VPS13B: variants seen among roughly 807,000 people sequenced by gnomAD.
VPS13B encodes vacuolar protein sorting 13 homolog B.
Under a neutral mutation model 426.4 loss-of-function variants are expected in VPS13B, and 285 were observed. That is an observed-to-expected ratio of 0.67 (90% CI 0.61 to 0.74). The LOEUF is 0.74. VPS13B is among the 30% of genes least tolerant of loss of function. The pLI, the probability that VPS13B is intolerant of heterozygous loss-of-function variation, is 0.00. For synonymous variants in VPS13B, 1,676 were observed against 1,676.4 expected (o/e 1.00, Z 0.01); for missense variants, 4,537 against 4,782.6 (o/e 0.95, Z 1.51).
At chr8:99,059,730 C>CTT (rs34620587) in intron 3 of VPS13B, among the ~76,000 whole-genome samples, 1,224 of 110,122 alleles carry the variant, frequency 0.011, 50 homozygotes, top group African/African-American at 0.024. Context: ...TTAGCTTCTG[C>CTT]TTTTTTTTTT....
At chr8:99,308,815 T>A (rs1037024930) in intron 19 of VPS13B, among the ~76,000 whole-genome samples, 1 of 152,196 alleles carries the variant, frequency 6.6e-6, no homozygotes, top group Admixed American at 6.5e-5. Context: ...AAAGTGTTCC[T>A]ATTTCTCCAC....
At chr8:99,290,516 G>C (rs1453839844) in intron 19 of VPS13B, among the ~76,000 whole-genome samples, 1 of 151,976 alleles carries the variant, frequency 6.6e-6, no homozygotes, top group Admixed American at 6.6e-5. Flanking sequence ...GGGGTGCGGG[G>C]AGAGGGAAGG....
intron 3 of VPS13B, among the ~76,000 whole-genome samples, chr8:99,068,264 C>T (rs540821786): frequency 4.6e-5 from 7 of 152,114 alleles, no homozygotes; most frequent in South Asian, 4.1e-4. Context: ...TCTTCCCTAG[C>T]TGTTTTATAG....
intron 2 of VPS13B, among the ~76,000 whole-genome samples, chr8:99,028,526 C>T (rs1319772888): frequency 1.6e-3 from 13 of 7,994 alleles, no homozygotes; most frequent in African/African-American, 0.01. Flanking sequence ...GGGCTGACCC[C>T]CCCCCCCACC....
intron 33 of VPS13B, among the ~76,000 whole-genome samples, chr8:99,613,125 G>T (rs750674407): frequency 7.7e-4 from 118 of 152,258 alleles, no homozygotes; most frequent in Non-Finnish European, 2.2e-4. Context: ...TGACTACCAT[G>T]AAATCTTTTT....
intron 33 of VPS13B, among the ~76,000 whole-genome samples, chr8:99,595,458 T>C (rs1337232818): frequency 1.3e-5 from 2 of 151,886 alleles, no homozygotes; most frequent in Non-Finnish European, 2.9e-5. Flanking sequence ...CTAAATCATA[T>C]CATATGTAAC....
intron 36 of VPS13B, among the ~76,000 whole-genome samples, chr8:99,704,721 G>A (rs1178490164): frequency 6.6e-6 from 1 of 152,078 alleles, no homozygotes; most frequent in African/African-American, 2.4e-5. Context: ...ATGAATATTG[G>A]GTGTGGGCAT....
chr8:99,521,111 C>G (rs768615147), intron 30 of VPS13B, 101 bp downstream of exon 30: 5 of 988,642 alleles, frequency 5.1e-6, no homozygotes, highest in Non-Finnish European at 7.8e-6. Context: ...ATTTCTCATT[C>G]AGGATCTTTT....
intron 13 of VPS13B, among the ~76,000 whole-genome samples, chr8:99,146,036 G>A (rs981077678): frequency 1.8e-5 from 2 of 111,288 alleles, no homozygotes; most frequent in East Asian, 8.0e-4. Flanking sequence ...CCATCTCATT[G>A]TGGTTTTAAA....
rs1814130969 is a variant in VPS13B, at chr8:99,817,771, T to C, written c.8329T>C (p.Ser2777Pro). The C allele has an allele frequency of 9.3e-6, 15 of 1,614,066 alleles. No individual in the cohort carries two copies. Among genetic ancestry groups the C allele is most frequent in the Non-Finnish European group, 1.3e-5 (15 of 1,179,976 alleles). Reference protein sequence around the residue: ...EDWSRDVCLESKAPEYSIVIQ... With the variant: ...EDWSRDVCLEPKAPEYSIVIQ... ...CTGGTCAAGAGATGTGTGCCTGGAA[T>C]CCAAAGCCCCTGAGTACAGCATTGT... Residue 2777 changes from serine to proline, a missense_variant, in exon 45 of 62, where the codon TCC becomes CCC. Transcript: ENST00000357162.
intron 19 of VPS13B, among the ~76,000 whole-genome samples, chr8:99,328,801 G>T (rs544054469): frequency 1.3e-5 from 2 of 152,186 alleles, no homozygotes; most frequent in African/African-American, 4.8e-5. Flanking sequence ...AATTTGTCCA[G>T]CTACATCCCT....
chr8:99,055,784 C>T (rs1274400381), intron 3 of VPS13B, among the ~76,000 whole-genome samples: 1 of 151,976 alleles, frequency 6.6e-6, no homozygotes, highest in Non-Finnish European at 1.5e-5. Context: ...AGCTGCAGTG[C>T]AGTGATGTGA....
At chr8:99,562,822 C>T (rs1825002121) in intron 31 of VPS13B, among the ~76,000 whole-genome samples, 1 of 152,084 alleles carries the variant, frequency 6.6e-6, no homozygotes, top group Non-Finnish European at 1.5e-5. Context: ...TCCTGTCACC[C>T]TCATCAAAAA....
intron 2 of VPS13B, among the ~76,000 whole-genome samples, chr8:99,023,557 T>G (rs1409242866): frequency 6.6e-6 from 1 of 151,934 alleles, no homozygotes; most frequent in East Asian, 1.9e-4. Flanking sequence ...CTTGGCTCAC[T>G]GCAACCTCTG....
At chr8:99,719,505 G>T (rs527769478) in intron 37 of VPS13B, among the ~76,000 whole-genome samples, 1 of 152,100 alleles carries the variant, frequency 6.6e-6, no homozygotes, top group African/African-American at 2.4e-5. Context: ...TTACCCACAC[G>T]ATATGGGGCT....
Position 99,817,661 on chromosome 8 carries a change from T to G in VPS13B, c.8219T>G (p.Leu2740Arg). 1 of 1,614,050 alleles carries G rather than the reference T, an allele frequency of 6.2e-7. No homozygotes were observed. The highest frequency in any genetic ancestry group is 1.1e-5 in the South Asian group (1 of 91,076). ...GTAGTTCGGGAACATTTTGACTGCC[T>G]CACAGCCAAACAGAAATTGCCTTCG... ...QAVVREHFDC[L>R]TAKQKLPSYI... Residue 2740 changes from leucine to arginine, a missense_variant, in exon 45 of 62, where the codon CTC becomes CGC. Leu to Arg is a moderately radical substitution (Grantham distance 102). This residue lies in a region of VPS13B where 4,311 missense variants were observed against 4,474.3 expected (regional missense o/e 0.96). Coordinates refer to ENST00000357162, the MANE Select transcript of VPS13B (RefSeq NM_152564.5).
intron 43 of VPS13B, among the ~76,000 whole-genome samples, chr8:99,793,040 TAAAAAAAAAA>T (rs34594024): frequency 8.1e-6 from 1 of 123,418 alleles, no homozygotes; most frequent in Non-Finnish European, 1.7e-5. Context: ...ATCCTGTCTC[TAAAAAAAAAA>T]AAAAAAAATT....
chr8:99,370,807 A>C (rs1356251105), intron 19 of VPS13B, among the ~76,000 whole-genome samples: 2 of 151,882 alleles, frequency 1.3e-5, no homozygotes, highest in Non-Finnish European at 2.9e-5. Context: ...ATGGTGATTC[A>C]CCATTTTGGC....
At chr8:99,697,927 C>G (rs1039128615) in intron 35 of VPS13B, 4 of 436,478 alleles carry the variant, frequency 9.2e-6, no homozygotes, top group Non-Finnish European at 1.8e-5. Context: ...ATGCCTCCAC[C>G]AGCCAGGTGG....
Sources: gnomAD v4.1 joint callset for allele counts (sites outside exome capture counted in the v4.1 genomes callset) on GRCh38, gnomAD v4.1.1 for gene constraint, gnomAD v4.1.1 regional missense constraint, MANE v1.5 for transcripts, NCBI Gene and HGNC (gene_info 2026-07-23, HGNC 2026-07-21) for gene names.